Variants in ZNF717 observed in about 807,000 individuals in gnomAD.
The protein encoded by ZNF717 is krueppel-like factor X17.
Under a neutral mutation model 13.8 loss-of-function variants are expected in ZNF717, and 9 were observed. The ratio of observed to expected loss-of-function variants is 0.65; its 90% CI spans 0.39 to 1.14. The LOEUF (loss-of-function observed/expected upper bound fraction) is 1.14, where lower values mean the gene tolerates loss of function less well. ZNF717 is among the 50% of genes most tolerant of loss of function. The pLI is 0.01. For synonymous variants in ZNF717, 327 were observed against 364.1 expected (o/e 0.90, Z 1.16); for missense variants, 1,040 against 1,080.7 (o/e 0.96, Z 0.53).
exon 6 of ZNF717, chr3:75,730,414 G>A (rs1938459271): frequency 6.3e-6 from 3 of 478,764 alleles, no homozygotes; most frequent in Non-Finnish European, 1.1e-5. Flanking sequence ...GGTAAAAAGG[G>A]GAGTTTTATT....
intron 2 of ZNF717, among the ~76,000 whole-genome samples, chr3:75,750,814 T>C (rs1250522114): frequency 6.7e-6 from 1 of 150,156 alleles, no homozygotes; most frequent in Admixed American, 6.6e-5. Flanking sequence ...TCCAGAACAA[T>C]GCTGCTGTGT....
downstream of ZNF717, among the ~76,000 whole-genome samples, chr3:75,726,451 T>G (rs1938282401): frequency 6.6e-6 from 1 of 152,364 alleles, no homozygotes; most frequent in African/African-American, 2.4e-5. Flanking sequence ...GGTGAAACTC[T>G]GTCTCTACAA....
At chr3:75,712,250 T>TG (rs1304962036) in intron 5 of ZNF717, among the ~76,000 whole-genome samples, 2 of 152,240 alleles carry the variant, frequency 1.3e-5, no homozygotes, top group African/African-American at 4.8e-5. Flanking sequence ...TTGACAGAAA[T>TG]GGAAATTGTC....
intron 4 of ZNF717, among the ~76,000 whole-genome samples, chr3:75,717,621 G>A (rs1412544417): frequency 1.3e-5 from 2 of 152,150 alleles, no homozygotes; most frequent in East Asian, 1.9e-4. Flanking sequence ...ATCAGTGTGA[G>A]TGCCGGCATG....
chr3:75,759,673 A>T (rs1942806049), intron 2 of ZNF717, among the ~76,000 whole-genome samples: 1 of 151,950 alleles, frequency 6.6e-6, no homozygotes, highest in South Asian at 2.1e-4. Context: ...GGTTCAAGCA[A>T]TTCTCCCGCC....
At chr3:75,782,878 T>C (rs1254953008) in intron 2 of ZNF717, among the ~76,000 whole-genome samples, 3 of 152,088 alleles carry the variant, frequency 2.0e-5, no homozygotes, top group Non-Finnish European at 4.4e-5. Context: ...CATGCCGTGC[T>C]TTAGCAGAAG....
intron 2 of ZNF717, among the ~76,000 whole-genome samples, chr3:75,781,045 A>C (rs1028648773): frequency 1.3e-5 from 2 of 152,266 alleles, no homozygotes; most frequent in Non-Finnish European, 2.9e-5. Flanking sequence ...AATCTCTCAA[A>C]ATTGAGAAAA....
At chr3:75,782,732 C>T (rs1034840090) in intron 2 of ZNF717, among the ~76,000 whole-genome samples, 42 of 152,226 alleles carry the variant, frequency 2.8e-4, no homozygotes, top group African/African-American at 9.6e-4. Flanking sequence ...TGACCATTTC[C>T]ACTGCACAAC....
intron 2 of ZNF717, among the ~76,000 whole-genome samples, chr3:75,755,524 G>A (rs897677762): frequency 7.9e-5 from 12 of 152,120 alleles, no homozygotes; most frequent in African/African-American, 2.9e-4. Flanking sequence ...GATAGATTAT[G>A]TATGCTTATA....
At chr3:75,754,052 C>A (rs1458488115) in intron 2 of ZNF717, among the ~76,000 whole-genome samples, 1 of 152,272 alleles carries the variant, frequency 6.6e-6, no homozygotes, top group African/African-American at 2.4e-5. Flanking sequence ...TTCCTGAACA[C>A]TGCTGCTGCC....
chr3:75,753,328 A>T (rs1206341963), intron 2 of ZNF717, among the ~76,000 whole-genome samples: 5 of 126,012 alleles, frequency 4.0e-5, no homozygotes, highest in African/African-American at 1.5e-4. Flanking sequence ...ATAGGATTAC[A>T]GAGCACTCCT....
intron 2 of ZNF717, among the ~76,000 whole-genome samples, chr3:75,775,250 C>T (rs1046617108): frequency 1.3e-5 from 2 of 152,242 alleles, no homozygotes; most frequent in African/African-American, 2.4e-5. Context: ...AGGCATGAGC[C>T]ACCACATCCA....
In ZNF717 at chr3:75,738,524, A is replaced by G. The variant is rs1363517426; in HGVS notation, c.1099T>C (p.Tyr367His). Residue 367 changes from tyrosine (Y) to histidine (H), a missense_variant, in exon 5 of 5, where the codon TAC becomes CAC. Tyr to His is a moderately conservative substitution (Grantham distance 83). Transcript: ENST00000652011. ...GTTTTTCCACATTCAATACATTTGT[A>G]GGGTTTATCCCCTGTGTGAGTTCTC... ...HERTHTGDKP[Y>H]KCIECGKTFH... The G allele has an allele frequency of 1.3e-6, 2 of 1,541,790 alleles. No individual in the cohort carries two copies. The highest frequency in any genetic ancestry group is 2.4e-5 in the South Asian group (2 of 83,532).
At chr3:75,742,766 T>C (rs1343137701) in intron 2 of ZNF717, among the ~76,000 whole-genome samples, 1 of 152,226 alleles carries the variant, frequency 6.6e-6, no homozygotes, top group African/African-American at 2.4e-5. Context: ...CTATCGTTTT[T>C]ACATTATATT....
chr3:75,716,811 A>G (rs1938064699), intron 4 of ZNF717, among the ~76,000 whole-genome samples: 1 of 152,220 alleles, frequency 6.6e-6, no homozygotes, highest in South Asian at 2.1e-4. Flanking sequence ...GCCTCTCCCA[A>G]GAATACTATG....
At chr3:75,756,644 T>C (rs994319564) in intron 2 of ZNF717, among the ~76,000 whole-genome samples, 2 of 152,188 alleles carry the variant, frequency 1.3e-5, no homozygotes, top group Non-Finnish European at 2.9e-5. Flanking sequence ...AAAATTCCAT[T>C]AAGCCTAAGC....
intron 2 of ZNF717, among the ~76,000 whole-genome samples, chr3:75,753,927 T>C (rs1942225376): frequency 7.5e-6 from 1 of 133,048 alleles, no homozygotes; most frequent in Middle Eastern, 3.9e-3. Context: ...GGGATCTGAA[T>C]GTTCGTCCCT....
rs998881020 is a variant in ZNF717, at chr3:75,736,188, G to GTCTCTT, written c.*689_*690insAAGAGA. 10 of 147,872 alleles carry GTCTCTT rather than the reference G, an allele frequency of 6.8e-5. No individual in the cohort carries two copies. Among genetic ancestry groups the GTCTCTT allele is most frequent in the Middle Eastern group, 3.5e-3 (1 of 286 alleles). The allele number at this position is 147,872 out of a possible 1,614,324, so 9.2% of individuals were successfully genotyped here. On this transcript the variant is annotated 3_prime_UTR_variant, in exon 5 of 5. Coordinates refer to ENST00000652011, the MANE Select transcript of ZNF717 (RefSeq NM_001290208.3). Reference sequence around the variant, plus strand: ...ATTGACTAGTCATTTCCCTGTCTCTGTTTCTCTCTTCTAGCTCCCCATTCC... The same window carrying GTCTCTT: ...ATTGACTAGTCATTTCCCTGTCTCTGTCTCTTTTTCTCTCTTCTAGCTCCCCATTCC...
chr3:75,714,783 T>C (rs1938013558), intron 5 of ZNF717, among the ~76,000 whole-genome samples: 1 of 152,232 alleles, frequency 6.6e-6, no homozygotes, highest in Non-Finnish European at 1.5e-5. Context: ...TTAAGTCACA[T>C]GAATTAAAAA....
Sources: allele counts gnomAD v4.1 joint callset (sites outside exome capture counted in the v4.1 genomes callset), GRCh38; gene constraint gnomAD v4.1.1; transcripts MANE v1.5; gene names NCBI Gene and HGNC (gene_info 2026-07-23, HGNC 2026-07-21).